The following KCNJ16 variants were observed in gnomAD, a reference collection of about 807,000 sequenced individuals.
KCNJ16 encodes the protein potassium inwardly rectifying channel subfamily J member 16.
KCNJ16 carries 15 observed loss-of-function variants against 18.5 expected under a neutral mutation model. The ratio of observed to expected loss-of-function variants is 0.81; its 90% CI spans 0.54 to 1.25. The LOEUF (loss-of-function observed/expected upper bound fraction) is 1.25. Among genes scored for constraint, KCNJ16 ranks in the 50% most tolerant of loss-of-function variants. The pLI, the probability that KCNJ16 is intolerant of heterozygous loss-of-function variation, is 0.00. For missense variants in KCNJ16, 523 were observed against 525.7 expected, an observed-to-expected ratio of 0.99 and a Z score of 0.05; for synonymous variants, 174 against 186.5, an observed-to-expected ratio of 0.93 and a Z score of 0.55.
chr17:70,134,551 G>T lies in KCNJ16; in HGVS notation c.*1207G>T, dbSNP rs2074167157. The stretch of plus-strand genomic sequence containing the variant: ...CTTAAGTTTTAGAACATGAGATAAA[G>T]TTGTATACTCTACTTTCATGTTAAA... On this transcript the variant is annotated 3_prime_UTR_variant, in exon 4 of 4. Coordinates refer to ENST00000392671, the MANE Select transcript of KCNJ16 (RefSeq NM_170741.4). 2 of 166,978 alleles carry T rather than the reference G, an allele frequency of 1.2e-5. No individual in the cohort carries two copies. Among genetic ancestry groups the T allele is most frequent in the African/African-American group, 2.4e-5 (1 of 41,436 alleles). The allele number at this position is 166,978 out of a possible 1,614,324, so 10.3% of individuals were successfully genotyped here.
chr17:70,104,782 T>C (rs902083199), intron 2 of KCNJ16: 6 of 152,676 alleles, frequency 3.9e-5, no homozygotes, highest in Admixed American at 1.3e-4. Flanking sequence ...TCCGCCACCA[T>C]TGGCAAGACT....
chr17:70,131,116 T>C (rs2074040095), intron 3 of KCNJ16, 141 bp downstream of exon 3: 2 of 986,020 alleles, frequency 2.0e-6, no homozygotes, highest in East Asian at 2.6e-5. Flanking sequence ...CGTGCTCCCT[T>C]TAAGAGGGAA....
chr17:70,113,082 C>A (rs1409537814), intron 2 of KCNJ16, among the ~76,000 whole-genome samples: 1 of 152,180 alleles, frequency 6.6e-6, no homozygotes, highest in Non-Finnish European at 1.5e-5. Context: ...ATGGGGCATT[C>A]TTTTCAAAGC....
chr17:70,103,254 T>TA (rs2072733825), intron 2 of KCNJ16, among the ~76,000 whole-genome samples: 1 of 128,828 alleles, frequency 7.8e-6, no homozygotes, highest in Admixed American at 8.2e-5. Flanking sequence ...TATATATATA[T>TA]TTATGTGTAT....
At position 70,102,215 on chromosome 17, in the gene KCNJ16, C is replaced by CTTTTTTTT. The variant is rs10600577; in HGVS notation, c.-191+1472_-191+1479dup. 3.3e-4 allele frequency: 16 copies of CTTTTTTTT among 48,128 alleles called. 1 individual carries two copies. The highest frequency in any genetic ancestry group is 8.4e-4 in the African/African-American group (10 of 11,962). The allele number at this position is 48,128 out of a possible 1,614,324, so 3.0% of individuals were successfully genotyped here. A position where few individuals can be genotyped will look rare whatever the true frequency, so the allele number is the denominator to read the frequency against. On this transcript the variant is annotated intron_variant, in intron 2 of 3. Coordinates refer to ENST00000392671, the MANE Select transcript of KCNJ16 (RefSeq NM_170741.4). ...TCTTTCTTCTTGTTCACCAAAAGTACTTTTTTTTTTTTTTTTTTTTTTTTT... is the reference window on the plus strand; with the variant it reads ...TCTTTCTTCTTGTTCACCAAAAGTACTTTTTTTTTTTTTTTTTTTTTTTTTTTTTTTTT...
intron 2 of KCNJ16, among the ~76,000 whole-genome samples, chr17:70,103,308 A>ATGTG (rs1257410369): frequency 7.2e-5 from 1 of 13,824 alleles, no homozygotes; most frequent in African/African-American, 1.8e-4. Flanking sequence ...ATATATATAT[A>ATGTG]TATATATATA....
At chr17:70,103,929 TTTA>T (rs1243256673) in intron 2 of KCNJ16, among the ~76,000 whole-genome samples, 11 of 129,326 alleles carry the variant, frequency 8.5e-5, no homozygotes, top group Admixed American at 7.2e-4. Flanking sequence ...TCATTTTTAT[TTTA>T]TTATCTTTTT....
chr17:70,108,767 A>T (rs925909410), intron 2 of KCNJ16, among the ~76,000 whole-genome samples: 2 of 152,050 alleles, frequency 1.3e-5, no homozygotes, highest in African/African-American at 4.8e-5. Flanking sequence ...TCTGGGAAAG[A>T]TATATTTTTA....
chr17:70,131,113 C>G, intron 3 of KCNJ16, 138 bp downstream of exon 3: 1 of 992,572 alleles, frequency 1.0e-6, no homozygotes, highest in South Asian at 1.5e-5. Flanking sequence ...TAGCGTGCTC[C>G]CTTTAAGAGG....
intron 1 of KCNJ16, among the ~76,000 whole-genome samples, chr17:70,097,631 T>G (rs2072439389): frequency 6.6e-6 from 1 of 152,122 alleles, no homozygotes; most frequent in Non-Finnish European, 1.5e-5. Context: ...TTTCAAATAT[T>G]TTCTGTTCTC....
chr17:70,109,325 C>T (rs1412931782), intron 2 of KCNJ16, among the ~76,000 whole-genome samples: 1 of 152,044 alleles, frequency 6.6e-6, no homozygotes, highest in Non-Finnish European at 1.5e-5. Context: ...GAGAATTAAA[C>T]ATATTTCATG....
At position 70,108,499 on chromosome 17, in the gene KCNJ16, A is replaced by C. The variant is rs7217507; in HGVS notation, c.-191+7733A>C. ...CAAATCAGTCATTTTGCATGTTGAT[A>C]TCTATAAATGACCACATCAACATAT... On this transcript the variant is annotated intron_variant, in intron 2 of 3. Coordinates refer to ENST00000392671, the MANE Select transcript of KCNJ16 (RefSeq NM_170741.4). 0.17 allele frequency: 25,863 copies of C among 152,100 alleles called. 4,041 individuals carry two copies. Among genetic ancestry groups the C allele is most frequent in the African/African-American group, 0.42 (17,277 of 41,440 alleles). The allele number at this position is 152,100 out of a possible 1,614,324, so 9.4% of individuals were successfully genotyped here.
At chr17:70,096,073 C>T (rs12942366) in intron 1 of KCNJ16, among the ~76,000 whole-genome samples, 128,333 of 151,160 alleles carry the variant, frequency 0.85, 54,549 homozygotes, top group East Asian at 0.96. Context: ...TGAGTAGAGA[C>T]GGGGTTTCGC....
Position 70,077,007 on chromosome 17 carries a change from G to A in KCNJ16, c.-300+1617G>A, listed in dbSNP as rs968232. Among the ~76,000 whole-genome samples the A allele has an allele frequency of 8.7e-3, 1,327 of 152,204 alleles. 7 individuals carry two copies. Among genetic ancestry groups the A allele is most frequent in the African/African-American group, 0.022 (901 of 41,532 alleles). On this transcript the variant is annotated intron_variant, in intron 1 of 3. Coordinates refer to ENST00000392671, the MANE Select transcript of KCNJ16 (RefSeq NM_170741.4). ...TGTCAAAGAAGTCTTCACTAAGGGG[G>A]TGATATTTAGCCAAAGACCTGGAGG...
chr17:70,089,092 G>A (rs1485651246), intron 1 of KCNJ16, among the ~76,000 whole-genome samples: 1 of 152,128 alleles, frequency 6.6e-6, no homozygotes, highest in East Asian at 1.9e-4. Context: ...CTACGTTGCT[G>A]TATGTAACAC....
chr17:70,108,096 CCT>C (rs1418026249), intron 2 of KCNJ16, among the ~76,000 whole-genome samples: 2 of 152,142 alleles, frequency 1.3e-5, no homozygotes, highest in East Asian at 1.9e-4. Context: ...GAGCAGGGCC[CCT>C]GTCTCTACTG....
intron 2 of KCNJ16, chr17:70,128,988 G>C (rs941705899): frequency 6.6e-6 from 1 of 152,238 alleles, no homozygotes; most frequent in Admixed American, 6.5e-5. Flanking sequence ...CGTCTTCAGC[G>C]GGTACGTGTC....
chr17:70,112,322 A>C (rs1238372422), intron 2 of KCNJ16, among the ~76,000 whole-genome samples: 2 of 151,384 alleles, frequency 1.3e-5, no homozygotes, highest in African/African-American at 4.9e-5. Flanking sequence ...GGGCATATTC[A>C]CAAGTTGTTG....
intron 1 of KCNJ16, among the ~76,000 whole-genome samples, chr17:70,089,143 A>G (rs1264284086): frequency 5.9e-5 from 9 of 152,090 alleles, no homozygotes; most frequent in Non-Finnish European, 1.5e-5. Flanking sequence ...TCTTCTTCTG[A>G]TCCCTATATG....
Sources: gnomAD v4.1 joint callset for allele counts (sites outside exome capture counted in the v4.1 genomes callset) on GRCh38, gnomAD v4.1.1 for gene constraint, MANE v1.5 for transcripts, NCBI Gene and HGNC (gene_info 2026-07-23, HGNC 2026-07-21) for gene names.